Variants in CNOT1 observed in about 807,000 individuals in gnomAD.
CNOT1 encodes CCR4-NOT transcription complex subunit 1.
In CNOT1, 15 loss-of-function variants were observed where a neutral mutation model predicts 273.8. The observed-to-expected ratio is 0.05, with a 90% CI of 0.04 to 0.08. CNOT1 has a LOEUF of 0.08. Ranked by LOEUF, CNOT1 falls within the 10% of genes least tolerant of loss-of-function variation. CNOT1 has a pLI of 1.00. For missense variants in CNOT1, 1,644 were observed against 2,912.2 expected, an observed-to-expected ratio of 0.56 and a Z score of 10.02; for synonymous variants, 1,022 against 1,005.5, an observed-to-expected ratio of 1.02 and a Z score of -0.31.
At chr16:58,528,389 G>C (rs1326965344) in intron 44 of CNOT1, 86 bp downstream of exon 44, 1 of 905,826 alleles carries the variant, frequency 1.1e-6, no homozygotes, top group Non-Finnish European at 1.8e-6. Flanking sequence ...GTTATGTTGG[G>C]TAGGAAAGTG....
intron 16 of CNOT1, among the ~76,000 whole-genome samples, chr16:58,570,672 T>C (rs750151099): frequency 2.6e-5 from 4 of 152,082 alleles, no homozygotes; most frequent in Non-Finnish European, 5.9e-5. Flanking sequence ...TCACATAATG[T>C]ATAAAGGTAT....
In CNOT1 at chr16:58,556,060, T is replaced by C. The variant is rs2040618832; in HGVS notation, c.2480-152A>G. 1.1e-5 allele frequency: 15 copies of C among 1,396,756 alleles called. No homozygotes were observed. In the South Asian group the frequency reaches 1.6e-4, roughly 15 times the overall value. 86.5% of individuals were successfully genotyped at this position (1,396,756 alleles called of 1,614,324 possible). On this transcript the variant is annotated intron_variant, in intron 19 of 48. Transcript: ENST00000317147. ...TTAAGCGGTCAAGTTTCAGTATTAA[T>C]GTGTGCTAGGGTAGACGTAAAAGAT...
chr16:58,576,401 G>T, intron 14 of CNOT1, 62 bp downstream of exon 14: 1 of 1,604,316 alleles, frequency 6.2e-7, no homozygotes, highest in Non-Finnish European at 8.5e-7. Flanking sequence ...ATGAGCCACC[G>T]CGCCCGGCCT....
intron 46 of CNOT1, among the ~76,000 whole-genome samples, chr16:58,524,655 T>G (rs1232869044): frequency 6.6e-6 from 1 of 152,100 alleles, no homozygotes; most frequent in Non-Finnish European, 1.5e-5. Context: ...TACAACTAGT[T>G]AGCACCTAAC....
chr16:58,560,622 T>C (rs926347326), intron 16 of CNOT1, among the ~76,000 whole-genome samples: 1 of 152,164 alleles, frequency 6.6e-6, no homozygotes, highest in Non-Finnish European at 1.5e-5. Flanking sequence ...CTCATACCTG[T>C]AGTCTCACTG....
intron 1 of CNOT1, among the ~76,000 whole-genome samples, chr16:58,609,159 G>C (rs1431344171): frequency 2.6e-5 from 4 of 152,082 alleles, no homozygotes; most frequent in African/African-American, 9.7e-5. Context: ...GGATCACGAG[G>C]TCAGGAGTTC....
chr16:58,541,422 A>G (rs1409944394), intron 34 of CNOT1, 79 bp downstream of exon 34: 1 of 1,556,472 alleles, frequency 6.4e-7, no homozygotes. Context: ...CCCAGGAAGC[A>G]AGTCAAAAAC....
chr16:58,629,423 C>T (rs1412680648), intron 1 of CNOT1, among the ~76,000 whole-genome samples: 2 of 152,162 alleles, frequency 1.3e-5, no homozygotes, highest in Non-Finnish European at 2.9e-5. Context: ...CTGCCGCCCC[C>T]TGAGCCTCCA....
chr16:58,575,014 T>C lies in CNOT1; in HGVS notation c.1820A>G (p.Glu607Gly). The C allele has an allele frequency of 6.2e-7, 1 of 1,613,874 alleles. No homozygotes were observed. Among genetic ancestry groups the C allele is most frequent in the Non-Finnish European group, 8.5e-7 (1 of 1,179,990 alleles). Residue 607 changes from glutamate to glycine, a missense_variant, in exon 15 of 49, where the codon GAG becomes GGG. Glu to Gly is a moderately conservative substitution (Grantham distance 98). This residue lies in a region of CNOT1 where 706 missense variants were observed against 1,021.2 expected (regional missense o/e 0.69). Coordinates refer to ENST00000317147, the MANE Select transcript of CNOT1 (RefSeq NM_016284.5). Reference sequence around the variant, plus strand: ...TGAACAAATCCTGCTTACCCCATGCTCTCGAATTTTATCTGTGAGCCACTT... The same window carrying C: ...TGAACAAATCCTGCTTACCCCATGCCCTCGAATTTTATCTGTGAGCCACTT... ...LDKWLTDKIR[E>G]HGEPFIQACM...
At chr16:58,592,969 G>A (rs556671256) in intron 2 of CNOT1, among the ~76,000 whole-genome samples, 4 of 152,054 alleles carry the variant, frequency 2.6e-5, no homozygotes, top group Non-Finnish European at 5.9e-5. Context: ...AAACAGAAAG[G>A]GGAGACTACC....
intron 44 of CNOT1, 88 bp from the exon 45 acceptor site, chr16:58,526,226 A>G: frequency 3.6e-6 from 5 of 1,390,694 alleles, no homozygotes; most frequent in Non-Finnish European, 5.0e-6. Context: ...CTGTTTTTCT[A>G]AAACTATATA....
chr16:58,627,892 A>T (rs545471616), intron 1 of CNOT1, among the ~76,000 whole-genome samples: 10 of 152,232 alleles, frequency 6.6e-5, no homozygotes, highest in Middle Eastern at 3.4e-3. Flanking sequence ...CAGTAGCTCT[A>T]TCTCGGCTCA....
Position 58,613,516 on chromosome 16 carries a change from C to A in CNOT1, c.-174-14005G>T, listed in dbSNP as rs1259005257. Among the ~76,000 whole-genome samples the A allele has an allele frequency of 8.0e-5, 10 of 124,624 alleles. 1 individual carries two copies. The South Asian group carries it at 2.4e-3, about 29-fold the overall frequency. The allele number at this position is 124,624 out of a possible 152,430, so 81.8% of individuals were successfully genotyped here. On this transcript the variant is annotated intron_variant, in intron 1 of 48. Transcript: ENST00000317147. ...TTAGGAGTCACCTTTTAATTCATTACTTTTTCTCCAGGCAATGACCAATTC... is the reference window on the plus strand; with the variant it reads ...TTAGGAGTCACCTTTTAATTCATTAATTTTTCTCCAGGCAATGACCAATTC...
intron 2 of CNOT1, among the ~76,000 whole-genome samples, chr16:58,592,862 G>T (rs1296010610): frequency 6.6e-6 from 1 of 152,088 alleles, no homozygotes; most frequent in Non-Finnish European, 1.5e-5. Context: ...TCAAGATCAA[G>T]ATATCATTTA....
intron 16 of CNOT1, among the ~76,000 whole-genome samples, chr16:58,570,381 T>C (rs1242462791): frequency 6.6e-6 from 1 of 152,198 alleles, no homozygotes; most frequent in Non-Finnish European, 1.5e-5. Context: ...CTCATTTCTG[T>C]AATCCCAACA....
chr16:58,527,937 G>A (rs762007257), intron 44 of CNOT1: 5 of 264,024 alleles, frequency 1.9e-5, no homozygotes, highest in Non-Finnish European at 3.0e-5. Context: ...CTGACATGGC[G>A]AAACCCCATC....
chr16:58,549,800 G>A lies in CNOT1; in HGVS notation c.3441C>T (p.Ser1147=). Residue 1147 remains serine, a synonymous_variant, in exon 25 of 49, where the codon AGC becomes AGT. Coordinates refer to ENST00000317147, the MANE Select transcript of CNOT1 (RefSeq NM_016284.5). Reference sequence around the variant, plus strand: ...GCGTGTCAAGGAAGTTTGAATACAGGCTATGAAAGTTTGGCTCAATACTGA... The same window carrying A: ...GCGTGTCAAGGAAGTTTGAATACAGACTATGAAAGTTTGGCTCAATACTGA... ...KRVSIEPNFH[S]LYSNFLDTLK... The A allele has an allele frequency of 6.2e-7, 1 of 1,613,936 alleles. No homozygotes were observed. The highest frequency in any genetic ancestry group is 8.5e-7 in the Non-Finnish European group (1 of 1,179,980).
intron 2 of CNOT1, 186 bp downstream of exon 2, chr16:58,599,050 C>CA (rs55921701): frequency 0.034 from 10,344 of 308,196 alleles, 7 homozygotes; most frequent in South Asian, 0.041. Context: ...GACTCTGTCT[C>CA]AAAAAAAAAA....
chr16:58,555,931 C>G (rs1037921269), intron 19 of CNOT1, 23 bp from the exon 20 acceptor site: 1 of 1,607,882 alleles, frequency 6.2e-7, no homozygotes, highest in Non-Finnish European at 8.5e-7. Flanking sequence ...AAAAAGGAAT[C>G]AGTGGGCATT....
Sources: allele counts gnomAD v4.1 joint callset (sites outside exome capture counted in the v4.1 genomes callset), GRCh38; gene constraint gnomAD v4.1.1; regional missense constraint gnomAD v4.1.1; transcripts MANE v1.5; gene names NCBI Gene and HGNC (gene_info 2026-07-23, HGNC 2026-07-21).